PRKACB: variants seen among roughly 807,000 people sequenced by gnomAD.
The protein encoded by PRKACB is protein kinase cAMP-activated catalytic subunit beta, also known as cAMP-dependent protein kinase catalytic subunit beta.
Under a neutral mutation model 51.4 loss-of-function variants are expected in PRKACB, and 16 were observed. The ratio of observed to expected loss-of-function variants is 0.31; its 90% CI spans 0.21 to 0.47. The LOEUF (loss-of-function observed/expected upper bound fraction) is 0.47, where lower values mean the gene tolerates loss of function less well. Among genes scored for constraint, PRKACB ranks in the 20% least tolerant of loss-of-function variants. The probability of loss-of-function intolerance (pLI) is 1.00; values close to 1 mark genes in which losing one functional copy is unlikely to be tolerated. For synonymous variants in PRKACB, 147 were observed against 154.4 expected (o/e 0.95, Z 0.35); for missense variants, 309 against 464.5 (o/e 0.67, Z 3.08).
Position 84,196,525 on chromosome 1 carries a change from C to T in PRKACB, c.561-91C>T, listed in dbSNP as rs144389172. The T allele has an allele frequency of 5.7e-4, 735 of 1,289,028 alleles. 1 individual carries two copies. The highest frequency in any genetic ancestry group is 7.0e-4 in the Non-Finnish European group (669 of 951,998). The allele number at this position is 1,289,028 out of a possible 1,614,324, so 79.8% of individuals were successfully genotyped here. The stretch of plus-strand genomic sequence containing the variant: ...AAAATACTTTTTGTTCCCAAAGTAC[C>T]TCTACTTCATATTAGTTTTTATGCA... On this transcript the variant is annotated intron_variant, in intron 5 of 9. Transcript: ENST00000370685.
intron 9 of PRKACB, among the ~76,000 whole-genome samples, chr1:84,228,545 T>A (rs1029705048): frequency 1.3e-5 from 2 of 152,094 alleles, no homozygotes; most frequent in African/African-American, 2.4e-5. Context: ...TAAAATCTTT[T>A]CCTCAAATGT....
chr1:84,236,143 T>A lies in PRKACB; in HGVS notation c.*838T>A, dbSNP rs1676640582. ...TCTAAGTTTTCTAAACCTTAACTGT[T>A]CCTTAAGGATTTTAGCCAGTATTTT... On this transcript the variant is annotated 3_prime_UTR_variant, in exon 10 of 10. Coordinates refer to ENST00000370685, the MANE Select transcript of PRKACB (RefSeq NM_182948.4). 1.3e-5 allele frequency: 2 copies of A among 152,638 alleles called. No homozygotes were observed. Among genetic ancestry groups the A allele is most frequent in the Admixed American group, 1.3e-4 (2 of 15,278 alleles). The allele number at this position is 152,638 out of a possible 1,614,324, so 9.5% of individuals were successfully genotyped here.
chr1:84,160,536 A>T (rs1656050832), intron 1 of PRKACB, among the ~76,000 whole-genome samples: 1 of 147,524 alleles, frequency 6.8e-6, no homozygotes, highest in African/African-American at 2.5e-5. Flanking sequence ...TTTTCTATAT[A>T]TTTTACTGAA....
intron 1 of PRKACB, among the ~76,000 whole-genome samples, chr1:84,126,925 C>T (rs534676577): frequency 6.6e-6 from 1 of 152,296 alleles, no homozygotes; most frequent in South Asian, 2.1e-4. Flanking sequence ...CATCTCTTGC[C>T]TGGACTTTTG....
intron 9 of PRKACB, among the ~76,000 whole-genome samples, chr1:84,234,053 T>G (rs1676250982): frequency 6.6e-6 from 1 of 150,878 alleles, no homozygotes; most frequent in South Asian, 2.1e-4. Context: ...TTTTATCTAC[T>G]TTTGGTCTTT....
At chr1:84,150,543 G>A (rs1428449417) in intron 1 of PRKACB, among the ~76,000 whole-genome samples, 1 of 152,088 alleles carries the variant, frequency 6.6e-6, no homozygotes, top group South Asian at 2.1e-4. Context: ...ATGGCTTGGT[G>A]TCCTCCCAAT....
In PRKACB at chr1:84,237,629, T is replaced by A. The variant is rs1676770927; in HGVS notation, c.*2324T>A. 1 of 152,174 alleles carries A rather than the reference T, an allele frequency of 6.6e-6. No homozygotes were observed. Among genetic ancestry groups the A allele is most frequent in the Non-Finnish European group, 1.5e-5 (1 of 67,982 alleles). 9.4% of individuals were successfully genotyped at this position (152,174 alleles called of 1,614,324 possible). On this transcript the variant is annotated 3_prime_UTR_variant, in exon 10 of 10. Coordinates refer to ENST00000370685, the MANE Select transcript of PRKACB (RefSeq NM_182948.4). Reference sequence around the variant, plus strand: ...CAATCAAGTACACTAAATTAGAATATTTTTAAAGTATGTAACATTCCCAGT... The same window carrying A: ...CAATCAAGTACACTAAATTAGAATAATTTTAAAGTATGTAACATTCCCAGT...
chr1:84,176,364 A>G (rs1188378243), intron 1 of PRKACB, among the ~76,000 whole-genome samples: 3 of 151,870 alleles, frequency 2.0e-5, no homozygotes, highest in East Asian at 1.9e-4. Flanking sequence ...TTTAGAAGTT[A>G]CATCCACCAA....
At chr1:84,078,111 C>CGCCGCCGCCGCT, upstream of PRKACB, 1 of 463,386 alleles carries the variant, frequency 2.2e-6, no homozygotes, top group Non-Finnish European at 3.6e-6. Flanking sequence ...CCGCCGCCGC[C>CGCCGCCGCCGCT]GCCGCCGCCG....
chr1:84,142,035 A>G (rs1653468549), upstream of PRKACB, among the ~76,000 whole-genome samples: 1 of 152,172 alleles, frequency 6.6e-6, no homozygotes, highest in South Asian at 2.1e-4. Context: ...TGGATTATCT[A>G]TAAATATGGT....
chr1:84,176,819 G>C (rs899722981), intron 1 of PRKACB, among the ~76,000 whole-genome samples: 1 of 151,830 alleles, frequency 6.6e-6, no homozygotes, highest in South Asian at 2.1e-4. Flanking sequence ...TTATTTGACA[G>C]TAAACTCAGG....
intron 1 of PRKACB, among the ~76,000 whole-genome samples, chr1:84,120,853 C>T (rs978270901): frequency 3.3e-5 from 5 of 152,032 alleles, no homozygotes; most frequent in Admixed American, 6.6e-5. Context: ...CTCCCACCTC[C>T]ACCTTCTGGT....
intron 2 of PRKACB, 84 bp from the exon 3 acceptor site, chr1:84,182,116 T>C: frequency 9.8e-7 from 1 of 1,018,580 alleles, no homozygotes; most frequent in Non-Finnish European, 1.3e-6. Flanking sequence ...GATTATCCAT[T>C]ATGATTATGT....
chr1:84,148,832 G>C (rs1654468068), intron 1 of PRKACB, among the ~76,000 whole-genome samples: 1 of 152,168 alleles, frequency 6.6e-6, no homozygotes, highest in South Asian at 2.1e-4. Context: ...AGCAATGCAA[G>C]TACTATATCA....
At chr1:84,084,220 A>G (rs985843691) in intron 1 of PRKACB, among the ~76,000 whole-genome samples, 2 of 152,164 alleles carry the variant, frequency 1.3e-5, no homozygotes, top group Non-Finnish European at 2.9e-5. Flanking sequence ...TAGACCGAGC[A>G]TTGATAAGTG....
intron 9 of PRKACB, among the ~76,000 whole-genome samples, chr1:84,226,422 G>C (rs1475798395): frequency 1.3e-5 from 2 of 151,998 alleles, no homozygotes; most frequent in East Asian, 3.9e-4. Flanking sequence ...ATTCAGTAAA[G>C]TTTTAGAGAA....
At chr1:84,228,088 G>A (rs1674941773) in intron 9 of PRKACB, among the ~76,000 whole-genome samples, 1 of 152,050 alleles carries the variant, frequency 6.6e-6, no homozygotes, top group South Asian at 2.1e-4. Flanking sequence ...AGTCCCCAAA[G>A]CAGGGCGTGC....
intron 1 of PRKACB, among the ~76,000 whole-genome samples, chr1:84,170,657 A>G (rs1659136820): frequency 6.6e-6 from 1 of 151,686 alleles, no homozygotes; most frequent in African/African-American, 2.4e-5. Flanking sequence ...CAAAAACAAA[A>G]TACACACACA....
intron 1 of PRKACB, among the ~76,000 whole-genome samples, chr1:84,162,137 C>G (rs80200612): frequency 2.3e-3 from 352 of 151,986 alleles, no homozygotes; most frequent in African/African-American, 8.0e-3. Flanking sequence ...CCTTCTGGCC[C>G]TACTTATTTC....
Sources: allele counts gnomAD v4.1 joint callset (sites outside exome capture counted in the v4.1 genomes callset), GRCh38; gene constraint gnomAD v4.1.1; transcripts MANE v1.5; gene names NCBI Gene and HGNC (gene_info 2026-07-23, HGNC 2026-07-21).